FBN1: variants seen among roughly 807,000 people sequenced by gnomAD.
The protein encoded by FBN1 is fibrillin 1.
Under a neutral mutation model 365.1 loss-of-function variants are expected in FBN1, and 29 were observed. The ratio of observed to expected loss-of-function variants is 0.08; its 90% CI spans 0.06 to 0.11. FBN1 has a LOEUF of 0.11. FBN1 is among the 10% of genes least tolerant of loss of function. The pLI is 1.00. For missense variants in FBN1, 2,476 were observed against 3,703.2 expected (o/e 0.67, Z 8.60); for synonymous variants, 1,210 against 1,270.5 (o/e 0.95, Z 1.01).
At chr15:48,474,044 T>C (rs184844319) in intron 34 of FBN1, among the ~76,000 whole-genome samples, 3 of 152,270 alleles carry the variant, frequency 2.0e-5, no homozygotes, top group Non-Finnish European at 2.9e-5. Context: ...TATCTATCTA[T>C]CTACCTACGT....
At chr15:48,494,078 CATT>C (rs1223769951) in intron 23 of FBN1, 123 bp downstream of exon 23, 2 of 761,586 alleles carry the variant, frequency 2.6e-6, no homozygotes, top group Non-Finnish European at 4.6e-6. Context: ...TTGTAGTTCT[CATT>C]ATTTTTTTTC....
At chr15:48,525,817 G>C (rs2043906415) in intron 9 of FBN1, among the ~76,000 whole-genome samples, 1 of 152,088 alleles carries the variant, frequency 6.6e-6, no homozygotes, top group Non-Finnish European at 1.5e-5. Context: ...TGAAGGTGGG[G>C]GTAAAAAGAG....
chr15:48,481,831 T>A, intron 31 of FBN1, 51 bp from the exon 32 acceptor site: 1 of 1,536,052 alleles, frequency 6.5e-7, no homozygotes, highest in South Asian at 1.1e-5. Context: ...TATCATTGAG[T>A]ACTTTCCCCT....
chr15:48,456,496 T>C, intron 44 of FBN1, 141 bp downstream of exon 44: 1 of 872,510 alleles, frequency 1.1e-6, no homozygotes. Context: ...AAATTTCATG[T>C]TGTTCCACAC....
intron 45 of FBN1, 112 bp downstream of exon 45, chr15:48,452,450 T>G (rs535069345): frequency 1.1e-4 from 146 of 1,297,084 alleles, no homozygotes; most frequent in Non-Finnish European, 1.5e-4. Context: ...TCAATCTAAA[T>G]CTTAACTCAT....
At chr15:48,596,179 C>T in intron 6 of FBN1, 104 bp downstream of exon 6, 3 of 1,022,968 alleles carry the variant, frequency 2.9e-6, no homozygotes, top group Non-Finnish European at 4.6e-6. Flanking sequence ...CCTCAAAGCT[C>T]AGCAACATTC....
At chr15:48,578,259 C>T (rs7183203) in intron 6 of FBN1, among the ~76,000 whole-genome samples, 120,341 of 152,154 alleles carry the variant, frequency 0.79, 47,833 homozygotes, top group East Asian at 0.88. Flanking sequence ...AAGCACAAAG[C>T]AGCTACATCC....
rs373084568 is a variant in FBN1 at position 48,534,230 on chromosome 15, GAA to G, written c.737-27_737-26del. ...TCTGTCAGATTACAGAAGACAGAGA[GAA>G]AAAAAAAAAACTCATATGAAATTCA... is the stretch of plus-strand genomic sequence containing the variant. On this transcript the variant is annotated intron_variant, in intron 7 of 65. Transcript: ENST00000316623. 1.3e-4 allele frequency: 178 copies of G among 1,349,570 alleles called. 1 individual carries two copies. Among genetic ancestry groups the G allele is most frequent in the East Asian group, 6.8e-4 (21 of 31,018 alleles). The allele number at this position is 1,349,570 out of a possible 1,614,324, so 83.6% of individuals were successfully genotyped here.
intron 6 of FBN1, among the ~76,000 whole-genome samples, chr15:48,575,781 C>A (rs2044341807): frequency 6.8e-6 from 1 of 146,740 alleles, no homozygotes; most frequent in Admixed American, 6.9e-5. Flanking sequence ...CAATGGAGGG[C>A]TGGATAAAGA....
chr15:48,559,061 A>G (rs1381309475), intron 6 of FBN1, among the ~76,000 whole-genome samples: 1 of 152,210 alleles, frequency 6.6e-6, no homozygotes, highest in Non-Finnish European at 1.5e-5. Flanking sequence ...CACATGCCCC[A>G]AGAGTTTTGG....
At chr15:48,576,227 C>T (rs570140304) in intron 6 of FBN1, among the ~76,000 whole-genome samples, 86 of 152,304 alleles carry the variant, frequency 5.6e-4, no homozygotes, top group African/African-American at 1.9e-3. Flanking sequence ...TCCCTGACAA[C>T]GTTGTCTTCT....
Position 48,470,763 on chromosome 15 carries a change from G to A in FBN1, c.4337-7C>T, listed in dbSNP as rs2043367095. 5.0e-6 allele frequency: 8 copies of A among 1,613,904 alleles called. No individual in the cohort carries two copies. The highest frequency in any genetic ancestry group is 6.8e-6 in the Non-Finnish European group (8 of 1,179,954). On this transcript the variant is annotated splice_region_variant and splice_polypyrimidine_tract_variant and intron_variant, in intron 35 of 65. Transcript: ENST00000316623. ...AGGGAGCACTCATCAATATCTTGGGGGGAGGGAGAAAAAAGCAAAAAACTT... is the reference window on the plus strand; with the variant it reads ...AGGGAGCACTCATCAATATCTTGGGAGGAGGGAGAAAAAAGCAAAAAACTT...
At chr15:48,549,176 G>A (rs1346641696) in intron 6 of FBN1, among the ~76,000 whole-genome samples, 1 of 152,212 alleles carries the variant, frequency 6.6e-6, no homozygotes, top group Non-Finnish European at 1.5e-5. Context: ...TTCTTAACTT[G>A]AAGACCACAA....
At chr15:48,451,464 T>G (rs2043200727) in intron 45 of FBN1, among the ~76,000 whole-genome samples, 1 of 152,162 alleles carries the variant, frequency 6.6e-6, no homozygotes, top group South Asian at 2.1e-4. Context: ...AAGTCTTGAT[T>G]CTCAATGCGA....
At chr15:48,509,232 G>A (rs908088496) in intron 14 of FBN1, among the ~76,000 whole-genome samples, 1 of 151,824 alleles carries the variant, frequency 6.6e-6, no homozygotes, top group Admixed American at 6.6e-5. Context: ...AGAATACATG[G>A]CTCAACTATG....
chr15:48,509,962 C>T, intron 14 of FBN1, 82 bp downstream of exon 14: 2 of 1,410,002 alleles, frequency 1.4e-6, no homozygotes, highest in Non-Finnish European at 2.0e-6. Flanking sequence ...TGACATTTCA[C>T]TCATTATTTG....
chr15:48,548,602 T>C (rs2141370804), intron 6 of FBN1, among the ~76,000 whole-genome samples: 1 of 152,360 alleles, frequency 6.6e-6, no homozygotes, highest in Non-Finnish European at 1.5e-5. Flanking sequence ...GGGCACTGTG[T>C]TACTCTGTTC....
At chr15:48,518,880 T>C (rs2043827977) in intron 10 of FBN1, among the ~76,000 whole-genome samples, 2 of 152,206 alleles carry the variant, frequency 1.3e-5, no homozygotes, top group South Asian at 4.1e-4. Context: ...TTTTGCTCTA[T>C]AAATCTGTTT....
At chr15:48,438,972 T>C (rs2043092983) in intron 50 of FBN1, among the ~76,000 whole-genome samples, 1 of 152,184 alleles carries the variant, frequency 6.6e-6, no homozygotes, top group African/African-American at 2.4e-5. Flanking sequence ...CTATTCTTCT[T>C]TCTTTATATC....
Sources: allele counts gnomAD v4.1 joint callset (sites outside exome capture counted in the v4.1 genomes callset), GRCh38; gene constraint gnomAD v4.1.1; transcripts MANE v1.5; gene names NCBI Gene and HGNC (gene_info 2026-07-23, HGNC 2026-07-21).